SCN1A: variants seen among roughly 807,000 people sequenced by gnomAD.
The protein encoded by SCN1A is sodium voltage-gated channel alpha subunit 1.
In SCN1A, 13 loss-of-function variants were observed where a neutral mutation model predicts 193.7. The observed-to-expected ratio is 0.07, with a 90% CI of 0.04 to 0.11. The LOEUF is 0.11. Ranked by LOEUF, SCN1A falls within the 10% of genes least tolerant of loss-of-function variation. The probability of loss-of-function intolerance (pLI) is 1.00; values close to 1 mark genes in which losing one functional copy is unlikely to be tolerated. For synonymous variants in SCN1A, 781 were observed against 843.6 expected, an observed-to-expected ratio of 0.93 and a Z score of 1.29; for missense variants, 1,432 against 2,451.1, an observed-to-expected ratio of 0.58 and a Z score of 8.78.
chr2:166,022,436 T>TA (rs1229690303), intron 19 of SCN1A, among the ~76,000 whole-genome samples: 2 of 152,152 alleles, frequency 1.3e-5, no homozygotes, highest in Non-Finnish European at 2.9e-5. Flanking sequence ...TTGTGGGTAT[T>TA]AAAAAAGTTA....
intron 26 of SCN1A, among the ~76,000 whole-genome samples, chr2:165,997,220 A>G (rs990216674): frequency 3.3e-5 from 5 of 151,460 alleles, no homozygotes; most frequent in South Asian, 2.1e-4. Flanking sequence ...GATTAAAAAC[A>G]ATCTAAATTA....
intron 10 of SCN1A, among the ~76,000 whole-genome samples, chr2:166,048,607 T>A (rs980417443): frequency 6.6e-6 from 1 of 152,138 alleles, no homozygotes; most frequent in African/African-American, 2.4e-5. Flanking sequence ...CTATCATTGA[T>A]GGACATTTAG....
At chr2:166,143,130 A>G (rs1692160645) in intron 1 of SCN1A, among the ~76,000 whole-genome samples, 1 of 152,094 alleles carries the variant, frequency 6.6e-6, no homozygotes, top group South Asian at 2.1e-4. Context: ...TTTCATTTGA[A>G]ACAAAACAAG....
At chr2:166,112,619 T>G (rs780989355) in intron 2 of SCN1A, among the ~76,000 whole-genome samples, 4 of 152,140 alleles carry the variant, frequency 2.6e-5, no homozygotes, top group Non-Finnish European at 5.9e-5. Context: ...ATTTCCTGAT[T>G]AATATTGGTG....
intron 5 of SCN1A, 46 bp from the exon 6 acceptor site, chr2:166,056,546 T>C: frequency 7.3e-7 from 1 of 1,364,442 alleles, no homozygotes; most frequent in Non-Finnish European, 1.0e-6. Context: ...AAAATCCAAG[T>C]GTTATATTAC....
At chr2:166,109,013 A>G (rs1689005842) in intron 2 of SCN1A, among the ~76,000 whole-genome samples, 1 of 152,106 alleles carries the variant, frequency 6.6e-6, no homozygotes, top group African/African-American at 2.4e-5. Flanking sequence ...TGCCTTGACA[A>G]TTTTTTATTC....
chr2:166,065,513 C>T (rs13397208), intron 4 of SCN1A, among the ~76,000 whole-genome samples: 2 of 151,832 alleles, frequency 1.3e-5, no homozygotes, highest in East Asian at 3.9e-4. Flanking sequence ...TCAAGCCAAG[C>T]TTTTCTTCCT....
intron 2 of SCN1A, among the ~76,000 whole-genome samples, chr2:166,106,505 A>G (rs1346634136): frequency 6.6e-6 from 1 of 152,018 alleles, no homozygotes; most frequent in African/African-American, 2.4e-5. Context: ...GGGCAAGCAG[A>G]AACAATTCTT....
At chr2:165,999,438 T>C (rs996251504) in intron 25 of SCN1A, among the ~76,000 whole-genome samples, 1 of 151,520 alleles carries the variant, frequency 6.6e-6, no homozygotes, top group African/African-American at 2.4e-5. Flanking sequence ...ATATAATGTG[T>C]GGATAAATAG....
At chr2:166,027,078 C>T (rs1336698397) in intron 19 of SCN1A, 1 of 152,144 alleles carries the variant, frequency 6.6e-6, no homozygotes, top group African/African-American at 2.4e-5. Flanking sequence ...AAATTATACA[C>T]TTATACACTG....
rs1321220596 is a variant in SCN1A at position 166,042,283 on chromosome 2, G to A, written c.2176+9C>T. 1 of 1,610,964 alleles carries A rather than the reference G, an allele frequency of 6.2e-7. No homozygotes were observed. Among genetic ancestry groups the A allele is most frequent in the Non-Finnish European group, 8.5e-7 (1 of 1,178,502 alleles). On this transcript the variant is annotated intron_variant, in intron 15 of 28. Coordinates refer to ENST00000674923, the MANE Select transcript of SCN1A (RefSeq NM_001165963.4). ...AATAATTGAAACGAAAATAGAATTTGTTACCAACCTTCTACTGTATTTGTT... is the reference window on the plus strand; with the variant it reads ...AATAATTGAAACGAAAATAGAATTTATTACCAACCTTCTACTGTATTTGTT...
intron 2 of SCN1A, among the ~76,000 whole-genome samples, chr2:166,121,112 A>T: frequency 7.0e-6 from 1 of 143,816 alleles, no homozygotes; most frequent in Non-Finnish European, 1.5e-5. Flanking sequence ...ATGTCAGGAA[A>T]AAAAAGAAAA....
At chr2:166,050,540 C>T (rs1698410315) in intron 9 of SCN1A, among the ~76,000 whole-genome samples, 1 of 56,390 alleles carries the variant, frequency 1.8e-5, no homozygotes. Flanking sequence ...AGTGGACCTA[C>T]TGGCATTCGT....
chr2:166,004,870 C>A (rs1276842081), intron 23 of SCN1A, among the ~76,000 whole-genome samples: 3 of 151,446 alleles, frequency 2.0e-5, no homozygotes, highest in African/African-American at 4.8e-5. Flanking sequence ...CTTTGTCCCC[C>A]AGTTTAGCCT....
At chr2:166,034,782 A>G (rs1696110953) in intron 19 of SCN1A, among the ~76,000 whole-genome samples, 1 of 152,130 alleles carries the variant, frequency 6.6e-6, no homozygotes, top group South Asian at 2.1e-4. Flanking sequence ...CTTTATTCTG[A>G]TAGGGCTGGT....
At chr2:166,014,580 A>C (rs548277730) in intron 20 of SCN1A, among the ~76,000 whole-genome samples, 1 of 149,158 alleles carries the variant, frequency 6.7e-6, no homozygotes. Flanking sequence ...TTACCAAAAA[A>C]AATCTGGTTT....
In SCN1A at chr2:166,039,414, T is replaced by C. The variant is rs759559775; in HGVS notation, c.2589+9A>G. The C allele has an allele frequency of 9.9e-6, 16 of 1,610,110 alleles. No homozygotes were observed. Among genetic ancestry groups the C allele is most frequent in the African/African-American group, 4.0e-5 (3 of 74,482 alleles). Reference sequence around the variant, plus strand: ...TTTTGAATTTGGTGCTTTTTTTTTTTTTTTTTACCAATCGAAATGAACGGA... The same window carrying C: ...TTTTGAATTTGGTGCTTTTTTTTTTCTTTTTTACCAATCGAAATGAACGGA... On this transcript the variant is annotated intron_variant, in intron 17 of 28. Coordinates refer to ENST00000674923, the MANE Select transcript of SCN1A (RefSeq NM_001165963.4).
At chr2:166,088,082 G>A (rs187482901) in intron 2 of SCN1A, among the ~76,000 whole-genome samples, 2 of 148,514 alleles carry the variant, frequency 1.3e-5, no homozygotes, top group African/African-American at 5.2e-5. Context: ...GTGTGTGTGT[G>A]TGTAAGGGTA....
chr2:166,046,796 G>A lies in SCN1A; in HGVS notation c.1351C>T (p.Leu451Phe), dbSNP rs752256219. Residue 451 changes from leucine (L) to phenylalanine (F), a missense_variant, in exon 12 of 29, where the codon CTT (leucine) becomes TTT (phenylalanine). Transcript: ENST00000674923. ...EAEFQQMIEQ[L>F]KKQQEAAQQA... ...TGAGCTGCCTCCTGTTGCTTTTTAA[G>A]CTGTTCAATCATCTGCTGAAATTCG... is the stretch of plus-strand genomic sequence containing the variant. 1 of 1,613,580 alleles carries A rather than the reference G, an allele frequency of 6.2e-7. No homozygotes were observed. Among genetic ancestry groups the A allele is most frequent in the East Asian group, 2.2e-5 (1 of 44,876 alleles).
Sources: gnomAD v4.1 joint callset for allele counts (sites outside exome capture counted in the v4.1 genomes callset) on GRCh38, gnomAD v4.1.1 for gene constraint, MANE v1.5 for transcripts, NCBI Gene and HGNC (gene_info 2026-07-23, HGNC 2026-07-21) for gene names.